The following MAGI2 variants were observed in gnomAD, a reference collection of about 807,000 sequenced individuals.
MAGI2 encodes membrane-associated guanylate kinase, WW and PDZ domain-containing protein 2.
MAGI2 carries 35 observed loss-of-function variants against 133.3 expected under a neutral mutation model. The ratio of observed to expected loss-of-function variants is 0.26; its 90% CI spans 0.20 to 0.35. The LOEUF is 0.35. Among genes scored for constraint, MAGI2 ranks in the 10% least tolerant of loss-of-function variants. The probability of loss-of-function intolerance (pLI) is 1.00; values close to 1 mark genes in which losing one functional copy is unlikely to be tolerated. For synonymous variants in MAGI2, 729 were observed against 710.6 expected (o/e 1.03, Z -0.41); for missense variants, 1,636 against 1,863.4 (o/e 0.88, Z 2.25).
intron 9 of MAGI2, among the ~76,000 whole-genome samples, chr7:78,303,496 T>C (rs1444990501): frequency 2.7e-5 from 4 of 150,718 alleles, no homozygotes; most frequent in African/African-American, 9.7e-5. Flanking sequence ...CTCTGCATGC[T>C]CCCTCCCACC....
intron 1 of MAGI2, among the ~76,000 whole-genome samples, chr7:79,379,307 CT>C (rs1843621854): frequency 6.6e-6 from 1 of 151,892 alleles, no homozygotes; most frequent in South Asian, 2.1e-4. Flanking sequence ...TTTTTTATGG[CT>C]GCATAGTATT....
rs1216680320 is a variant in MAGI2 at position 78,017,650 on chromosome 7, G to A, written c.*1665C>T. On this transcript the variant is annotated 3_prime_UTR_variant, in exon 22 of 22. Coordinates refer to ENST00000354212, the MANE Select transcript of MAGI2 (RefSeq NM_012301.4). ...TCATTTTTGGAAATTGCTTTTACAA[G>A]CTGCAAGATCCTTCACTTGAGGCTT... The A allele has an allele frequency of 6.6e-6, 1 of 152,640 alleles. No homozygotes were observed. The highest frequency in any genetic ancestry group is 1.5e-5 in the Non-Finnish European group (1 of 68,048). The allele number at this position is 152,640 out of a possible 1,614,324, so 9.5% of individuals were successfully genotyped here.
At chr7:78,442,748 G>GA (rs1787753061) in intron 6 of MAGI2, among the ~76,000 whole-genome samples, 1 of 151,978 alleles carries the variant, frequency 6.6e-6, no homozygotes, top group Non-Finnish European at 1.5e-5. Flanking sequence ...ATTTATTTTG[G>GA]AAAAAATCCA....
At chr7:79,168,923 T>TATATAG (rs1825242279) in intron 1 of MAGI2, among the ~76,000 whole-genome samples, 1 of 79,484 alleles carries the variant, frequency 1.3e-5, no homozygotes, top group African/African-American at 4.1e-5. Context: ...TATATATATA[T>TATATAG]ATATATATAT....
chr7:78,123,377 G>A (rs533826988), intron 20 of MAGI2, among the ~76,000 whole-genome samples: 3 of 152,072 alleles, frequency 2.0e-5, no homozygotes, highest in African/African-American at 7.2e-5. Flanking sequence ...TATATACACT[G>A]TTTTCCCTAT....
chr7:78,202,135 G>A (rs1020667783), intron 10 of MAGI2, among the ~76,000 whole-genome samples: 1 of 151,872 alleles, frequency 6.6e-6, no homozygotes, highest in African/African-American at 2.4e-5. Context: ...GTTAGTATAA[G>A]GTAGTTTCTG....
intron 20 of MAGI2, among the ~76,000 whole-genome samples, chr7:78,109,652 A>AAAAC (rs1819160377): frequency 6.6e-6 from 1 of 152,080 alleles, no homozygotes; most frequent in African/African-American, 2.4e-5. Context: ...AAAACAAAAA[A>AAAAC]ACTTGTGAAC....
At chr7:78,803,853 T>C (rs1283794475) in intron 2 of MAGI2, among the ~76,000 whole-genome samples, 1 of 152,182 alleles carries the variant, frequency 6.6e-6, no homozygotes, top group African/African-American at 2.4e-5. Flanking sequence ...AGAAAGAAAG[T>C]CTACTTAATA....
intron 3 of MAGI2, among the ~76,000 whole-genome samples, chr7:78,540,331 T>C (rs2150666257): frequency 6.6e-6 from 1 of 152,292 alleles, no homozygotes; most frequent in East Asian, 1.9e-4. Flanking sequence ...GCTGCCTCTG[T>C]TGTATAACAC....
intron 1 of MAGI2, among the ~76,000 whole-genome samples, chr7:79,155,977 T>C (rs1400081051): frequency 6.6e-6 from 1 of 152,106 alleles, no homozygotes; most frequent in Non-Finnish European, 1.5e-5. Flanking sequence ...AATGCTAACA[T>C]TTGGTATAAC....
intron 14 of MAGI2, among the ~76,000 whole-genome samples, chr7:78,177,277 C>T (rs921906942): frequency 6.6e-6 from 1 of 152,154 alleles, no homozygotes; most frequent in Non-Finnish European, 1.5e-5. Context: ...CTAACTTAGT[C>T]ACATTGGGTA....
At chr7:79,095,048 G>T (rs796989359) in intron 1 of MAGI2, among the ~76,000 whole-genome samples, 26 of 152,254 alleles carry the variant, frequency 1.7e-4, no homozygotes, top group African/African-American at 6.3e-4. Context: ...CTCTAGATAG[G>T]AAAGTCCTAG....
intron 1 of MAGI2, among the ~76,000 whole-genome samples, chr7:79,138,769 G>A (rs963670393): frequency 3.3e-5 from 5 of 152,150 alleles, no homozygotes; most frequent in Non-Finnish European, 7.3e-5. Flanking sequence ...ACTGTGGGAG[G>A]CCAAGGCGGG....
intron 1 of MAGI2, among the ~76,000 whole-genome samples, chr7:79,049,192 G>T (rs952005094): frequency 6.6e-6 from 1 of 152,064 alleles, no homozygotes; most frequent in Middle Eastern, 3.2e-3. Flanking sequence ...GAGAATTCAG[G>T]TTATTTCAAT....
chr7:79,338,202 T>C (rs189005874), intron 1 of MAGI2, among the ~76,000 whole-genome samples: 25 of 152,314 alleles, frequency 1.6e-4, no homozygotes, highest in African/African-American at 5.8e-4. Flanking sequence ...TGAGGTTGTT[T>C]ATTTGTTGCT....
At chr7:78,924,036 A>G (rs1036828448) in intron 2 of MAGI2, among the ~76,000 whole-genome samples, 1 of 152,156 alleles carries the variant, frequency 6.6e-6, no homozygotes, top group Non-Finnish European at 1.5e-5. Context: ...ATTTTTGTAT[A>G]TTGATTTTGT....
intron 2 of MAGI2, among the ~76,000 whole-genome samples, chr7:78,839,063 G>A (rs1002005494): frequency 6.6e-6 from 1 of 152,028 alleles, no homozygotes; most frequent in African/African-American, 2.4e-5. Context: ...ACAGCATAGG[G>A]AAGAAGAAAG....
rs549290097 is a variant in MAGI2, at chr7:78,093,484, C to G, written c.3568-14399G>C. Among the ~76,000 whole-genome samples, 13 of 151,902 alleles carry G rather than the reference C, an allele frequency of 8.6e-5. No homozygotes were observed. The South Asian group carries it at 1.7e-3, about 19-fold the overall frequency. On this transcript the variant is annotated intron_variant, in intron 20 of 21. Coordinates refer to ENST00000354212, the MANE Select transcript of MAGI2 (RefSeq NM_012301.4). ...AAAAAAAGTAAGTAATGGCAAAGAC[C>G]ACAATTACTTTTACACCAACCTAAC...
At chr7:78,240,192 TCTC>T (rs751222891) in intron 10 of MAGI2, among the ~76,000 whole-genome samples, 100 of 152,338 alleles carry the variant, frequency 6.6e-4, no homozygotes, top group Admixed American at 1.1e-3. Flanking sequence ...GTCCAAGTGA[TCTC>T]CTTGTTCAGT....
Sources: allele counts gnomAD v4.1 joint callset (sites outside exome capture counted in the v4.1 genomes callset), GRCh38; gene constraint gnomAD v4.1.1; transcripts MANE v1.5; gene names NCBI Gene and HGNC (gene_info 2026-07-23, HGNC 2026-07-21).